FAT3: variants seen among roughly 807,000 people sequenced by gnomAD.
FAT3 encodes FAT atypical cadherin 3, also known as protocadherin Fat 3.
FAT3 carries 95 observed loss-of-function variants against 310.2 expected under a neutral mutation model. That is an observed-to-expected ratio of 0.31 (90% CI 0.26 to 0.36). The LOEUF (loss-of-function observed/expected upper bound fraction) is 0.36, where lower values mean the gene tolerates loss of function less well. Ranked by LOEUF, FAT3 falls within the 10% of genes least tolerant of loss-of-function variation. The pLI is 1.00. For missense variants in FAT3, 5,408 were observed against 5,715.6 expected (o/e 0.95, Z 1.74); for synonymous variants, 2,314 against 2,192.9 (o/e 1.06, Z -1.54).
intron 1 of FAT3, among the ~76,000 whole-genome samples, chr11:92,283,776 T>A (rs939766102): frequency 2.4e-4 from 36 of 152,126 alleles, no homozygotes; most frequent in African/African-American, 7.5e-4. Flanking sequence ...CATTCAAGCA[T>A]GCATTGATTA....
chr11:92,735,557 CATAGATAGATAGATAGATAGATAGATAG>C (rs35680919), intron 4 of FAT3, among the ~76,000 whole-genome samples: 2 of 148,738 alleles, frequency 1.3e-5, no homozygotes, highest in Non-Finnish European at 3.0e-5. Context: ...GATGGATGAG[CATAGATAGATAGATAGATAGATAGATAG>C]ATAGATAGAT....
intron 3 of FAT3, among the ~76,000 whole-genome samples, chr11:92,540,501 A>G (rs1227856671): frequency 6.6e-6 from 1 of 152,194 alleles, no homozygotes; most frequent in Non-Finnish European, 1.5e-5. Flanking sequence ...GAAATTAATC[A>G]TAGAGGGTAA....
At chr11:92,315,466 T>G (rs1355718030) in intron 1 of FAT3, among the ~76,000 whole-genome samples, 2 of 80,242 alleles carry the variant, frequency 2.5e-5, no homozygotes, top group African/African-American at 6.5e-5. Context: ...TGTGTGTGTG[T>G]GTGTGTGTGT....
At chr11:92,462,115 G>C (rs1158963553) in intron 2 of FAT3, among the ~76,000 whole-genome samples, 1 of 152,032 alleles carries the variant, frequency 6.6e-6, no homozygotes, top group African/African-American at 2.4e-5. Flanking sequence ...CCTCATCTCA[G>C]CTTTAAGGAA....
intron 1 of FAT3, among the ~76,000 whole-genome samples, chr11:92,233,181 G>C (rs1426829523): frequency 6.6e-6 from 1 of 152,182 alleles, no homozygotes; most frequent in African/African-American, 2.4e-5. Context: ...GTTAGTCCTT[G>C]AGGATTTTTC....
chr11:92,567,579 A>G (rs887022103), intron 3 of FAT3, among the ~76,000 whole-genome samples: 1 of 151,850 alleles, frequency 6.6e-6, no homozygotes, highest in East Asian at 1.9e-4. Context: ...ATAAAGACAC[A>G]TGCACACGTA....
At chr11:92,683,417 A>T (rs895523338) in intron 3 of FAT3, among the ~76,000 whole-genome samples, 1 of 151,998 alleles carries the variant, frequency 6.6e-6, no homozygotes. Context: ...TCCCTGTATG[A>T]TTTTCCTTTC....
intron 1 of FAT3, among the ~76,000 whole-genome samples, chr11:92,309,379 C>T (rs535911521): frequency 2.0e-5 from 1 of 49,714 alleles, no homozygotes; most frequent in Non-Finnish European, 3.6e-5. Flanking sequence ...TTTACACACA[C>T]GCATGCACAC....
rs375666879 is a variant in FAT3, at chr11:92,859,154, G to A, written c.11501-11G>A. ...AAAAATATATATGTCTTCTCATAAC[G>A]GTCTTTTCAGGGCACACTTCTCTCA... On this transcript the variant is annotated splice_polypyrimidine_tract_variant and intron_variant, in intron 20 of 27. Transcript: ENST00000525166. 1.2e-6 allele frequency: 2 copies of A among 1,611,044 alleles called. No homozygotes were observed. The highest frequency in any genetic ancestry group is 1.7e-6 in the Non-Finnish European group (2 of 1,178,562).
chr11:92,422,449 C>G (rs1950551230), intron 2 of FAT3, among the ~76,000 whole-genome samples: 1 of 152,162 alleles, frequency 6.6e-6, no homozygotes, highest in Non-Finnish European at 1.5e-5. Flanking sequence ...TTGAGCCAAA[C>G]TCCATCTTGA....
chr11:92,885,928 C>G (rs188442250), intron 24 of FAT3, among the ~76,000 whole-genome samples: 15 of 152,338 alleles, frequency 9.8e-5, no homozygotes, highest in African/African-American at 3.1e-4. Flanking sequence ...CAGCCTCTGA[C>G]AGCAGATGCA....
intron 4 of FAT3, among the ~76,000 whole-genome samples, chr11:92,760,402 C>A (rs983479871): frequency 6.6e-6 from 1 of 152,174 alleles, no homozygotes; most frequent in Non-Finnish European, 1.5e-5. Flanking sequence ...AAATAGCTGA[C>A]CAGCTGCTTT....
At chr11:92,890,019 A>G in intron 27 of FAT3, 128 bp downstream of exon 27, 1 of 713,212 alleles carries the variant, frequency 1.4e-6, no homozygotes, top group Non-Finnish European at 2.6e-6. Flanking sequence ...TCGTGCGCTC[A>G]GTATTGGAGG....
At chr11:92,471,920 T>TAC (rs1951916955) in intron 2 of FAT3, among the ~76,000 whole-genome samples, 1 of 4,518 alleles carries the variant, frequency 2.2e-4, no homozygotes, top group Admixed American at 3.0e-3. Context: ...ATATGCTATA[T>TAC]ATATATATAT....
At chr11:92,589,503 A>G (rs1939320941) in intron 3 of FAT3, among the ~76,000 whole-genome samples, 1 of 152,120 alleles carries the variant, frequency 6.6e-6, no homozygotes, top group African/African-American at 2.4e-5. Context: ...TCAGTTTACA[A>G]ATACCAAGTC....
intron 13 of FAT3, among the ~76,000 whole-genome samples, chr11:92,830,296 C>A (rs897119035): frequency 3.3e-5 from 5 of 152,114 alleles, no homozygotes. Context: ...TCAATCCAAC[C>A]GTTATTCAAT....
chr11:92,738,967 G>A, intron 4 of FAT3, among the ~76,000 whole-genome samples: 1 of 152,136 alleles, frequency 6.6e-6, no homozygotes, highest in Middle Eastern at 3.2e-3. Context: ...TGCTACTGAA[G>A]ACTCAGAACA....
chr11:92,756,613 G>A (rs911127739), intron 4 of FAT3, among the ~76,000 whole-genome samples: 2 of 152,112 alleles, frequency 1.3e-5, no homozygotes, highest in African/African-American at 4.8e-5. Context: ...CTGGGAACAA[G>A]GCAGTAGACA....
intron 21 of FAT3, among the ~76,000 whole-genome samples, chr11:92,863,728 TGAACC>T (rs1187949588): frequency 6.6e-6 from 1 of 152,212 alleles, no homozygotes; most frequent in Non-Finnish European, 1.5e-5. Context: ...TAAAACTAGG[TGAACC>T]CAACTCTGAA....
Sources: allele counts gnomAD v4.1 joint callset (sites outside exome capture counted in the v4.1 genomes callset), GRCh38; gene constraint gnomAD v4.1.1; transcripts MANE v1.5; gene names NCBI Gene and HGNC (gene_info 2026-07-23, HGNC 2026-07-21).